C3orf49: variants seen among roughly 807,000 people sequenced by gnomAD.
C3orf49 encodes putative uncharacterized protein C3orf49.
In C3orf49, 27 loss-of-function variants were observed where a neutral mutation model predicts 13.3. The observed-to-expected ratio is 2.02, with a 90% confidence interval of 1.49 to 2.79. C3orf49 has a LOEUF of 2.79. C3orf49 is among the 30% of genes most tolerant of loss of function. C3orf49 has a pLI of 0.00. For synonymous variants in C3orf49, 87 were observed against 47.6 expected (o/e 1.83, Z -3.40); for missense variants, 242 against 134.2 (o/e 1.80, Z -3.97).
chr3:63,815,028 G>C (rs1182062483), upstream of C3orf49, among the ~76,000 whole-genome samples: 1 of 152,208 alleles, frequency 6.6e-6, no homozygotes, highest in African/African-American at 2.4e-5. Flanking sequence ...AGGGGCAAGA[G>C]AGAGAGCAGG....
chr3:63,818,984 G>A (rs1222136288), upstream of C3orf49, among the ~76,000 whole-genome samples: 1 of 152,222 alleles, frequency 6.6e-6, no homozygotes, highest in Admixed American at 6.5e-5. Context: ...AGATCTAACA[G>A]AAGCTCAACT....
At chr3:63,806,831 C>T in the C3orf49 span, among the ~76,000 whole-genome samples, 1 of 152,328 alleles carries the variant, frequency 6.6e-6, no homozygotes, top group East Asian at 1.9e-4. Context: ...TTGCATGTTA[C>T]CCCATCATGA....
At chr3:63,790,850 T>C in the C3orf49 span, among the ~76,000 whole-genome samples, 1 of 152,136 alleles carries the variant, frequency 6.6e-6, no homozygotes, top group East Asian at 1.9e-4. Context: ...AGTAAGTGCT[T>C]CAGAAAAACT....
chr3:63,812,057 G>T, the C3orf49 span, among the ~76,000 whole-genome samples: 4 of 152,130 alleles, frequency 2.6e-5, no homozygotes, highest in Non-Finnish European at 5.9e-5. Context: ...CCCAACTGGG[G>T]TGCCACTCCT....
rs532360026 is a variant in C3orf49, at chr3:63,819,429, C to A, written c.-43C>A. 8.6e-6 allele frequency: 6 copies of A among 699,230 alleles called. No individual in the cohort carries two copies. Among genetic ancestry groups the A allele is most frequent in the Non-Finnish European group, 1.0e-5 (4 of 383,114 alleles). The allele number at this position is 699,230 out of a possible 1,614,324, so 43.3% of individuals were successfully genotyped here. On this transcript the variant is annotated 5_prime_UTR_variant, in exon 1 of 7. Transcript: ENST00000295896. ...GTATTGAAGTCTGTAAGTTCAAGAA[C>A]TAAAACAATCCAAAACGGCTACTAC...
intron 3 of C3orf49, among the ~76,000 whole-genome samples, chr3:63,829,956 A>T (rs1701512416): frequency 1.3e-5 from 2 of 152,184 alleles, no homozygotes; most frequent in South Asian, 4.1e-4. Flanking sequence ...ACAGAGTGAG[A>T]CCTCATCTTA....
chr3:63,796,059 A>G, the C3orf49 span, among the ~76,000 whole-genome samples: 2 of 152,210 alleles, frequency 1.3e-5, no homozygotes, highest in Non-Finnish European at 2.9e-5. Flanking sequence ...ACAGTAAAAT[A>G]TTAATAATAG....
At chr3:63,785,211 A>T in the C3orf49 span, among the ~76,000 whole-genome samples, 1 of 151,166 alleles carries the variant, frequency 6.6e-6, no homozygotes, top group Admixed American at 6.6e-5. Flanking sequence ...AGCTGGGACT[A>T]CATGCGCCCG....
chr3:63,788,250 A>G, the C3orf49 span, among the ~76,000 whole-genome samples: 24 of 152,276 alleles, frequency 1.6e-4, no homozygotes, highest in African/African-American at 5.8e-4. Flanking sequence ...GAGGCTTGCA[A>G]ATGTTAAGGA....
chr3:63,788,651 C>T, the C3orf49 span, among the ~76,000 whole-genome samples: 8 of 151,784 alleles, frequency 5.3e-5, no homozygotes, highest in Non-Finnish European at 1.2e-4. Flanking sequence ...AAGACACAGT[C>T]GTTCTTTCTT....
the C3orf49 span, among the ~76,000 whole-genome samples, chr3:63,806,031 A>C: frequency 2.0e-5 from 3 of 152,124 alleles, no homozygotes; most frequent in Non-Finnish European, 1.5e-5. Flanking sequence ...CTACAAGTGG[A>C]ATACTACTTC....
intron 5 of C3orf49, among the ~76,000 whole-genome samples, chr3:63,836,715 AAATAC>A (rs1261300710): frequency 6.6e-6 from 1 of 152,032 alleles, no homozygotes; most frequent in African/African-American, 2.4e-5. Flanking sequence ...AAATAAAATA[AAATAC>A]AATCAGTGAA....
chr3:63,815,767 C>CT (rs1171725781), upstream of C3orf49, among the ~76,000 whole-genome samples: 1 of 145,456 alleles, frequency 6.9e-6, no homozygotes, highest in African/African-American at 2.6e-5. Flanking sequence ...CTTTTCTTTT[C>CT]TTTCTTTTTT....
intron 5 of C3orf49, chr3:63,839,809 T>G (rs1701720646): frequency 6.4e-7 from 1 of 1,561,256 alleles, no homozygotes; most frequent in South Asian, 1.1e-5. Context: ...CATCTGGCTC[T>G]TGGTAACTTT....
intron 3 of C3orf49, among the ~76,000 whole-genome samples, chr3:63,828,947 C>T (rs886334661): frequency 2.6e-5 from 4 of 152,254 alleles, no homozygotes; most frequent in African/African-American, 7.2e-5. Context: ...CATGTCACCA[C>T]CTATGTTAAT....
chr3:63,842,441 C>T (rs1701785916), intron 5 of C3orf49, among the ~76,000 whole-genome samples: 1 of 152,106 alleles, frequency 6.6e-6, no homozygotes, highest in African/African-American at 2.4e-5. Flanking sequence ...CTGGAGAATT[C>T]ACAACCTAAG....
the C3orf49 span, among the ~76,000 whole-genome samples, chr3:63,804,589 C>T: frequency 1.3e-5 from 2 of 152,166 alleles, no homozygotes; most frequent in African/African-American, 4.8e-5. Context: ...AGCTCTTCCT[C>T]AGGGAAGCCT....
chr3:63,786,214 CT>C, the C3orf49 span: 1 of 152,140 alleles, frequency 6.6e-6, no homozygotes, highest in Admixed American at 6.5e-5. Flanking sequence ...CCCCCCTCCC[CT>C]ATACATGATA....
At chr3:63,799,237 A>G in the C3orf49 span, among the ~76,000 whole-genome samples, 1 of 152,168 alleles carries the variant, frequency 6.6e-6, no homozygotes, top group African/African-American at 2.4e-5. Context: ...TGGATGTGGC[A>G]TTGTGCTATT....
Sources: allele counts gnomAD v4.1 joint callset (sites outside exome capture counted in the v4.1 genomes callset), GRCh38; gene constraint gnomAD v4.1.1; transcripts MANE v1.5; gene names NCBI Gene and HGNC (gene_info 2026-07-23, HGNC 2026-07-21).